The following DNAJC5 variants were observed in gnomAD, a reference collection of about 807,000 sequenced individuals.
DNAJC5 encodes the protein DnaJ heat shock protein family (Hsp40) member C5, also known as dnaJ homolog subfamily C member 5.
Under a neutral mutation model 23.2 loss-of-function variants are expected in DNAJC5, and 1 was observed. The observed-to-expected ratio is 0.04, with a 90% CI of 0.02 to 0.20. The LOEUF (loss-of-function observed/expected upper bound fraction) is 0.20, where lower values mean the gene tolerates loss of function less well. Ranked by LOEUF, DNAJC5 falls within the 10% of genes least tolerant of loss-of-function variation. DNAJC5 has a pLI of 1.00. For synonymous variants in DNAJC5, 136 were observed against 120.0 expected (o/e 1.13, Z -0.87); for missense variants, 180 against 267.0 (o/e 0.67, Z 2.27).
At chr20:63,927,540 C>G (rs1007776871) in intron 1 of DNAJC5, among the ~76,000 whole-genome samples, 19 of 149,122 alleles carry the variant, frequency 1.3e-4, no homozygotes, top group African/African-American at 4.2e-4. Flanking sequence ...AACTGTCCCC[C>G]CCCCCAAAAA....
chr20:63,914,481 A>AT (rs2053503228), intron 1 of DNAJC5, among the ~76,000 whole-genome samples: 1 of 151,428 alleles, frequency 6.6e-6, no homozygotes. Flanking sequence ...TACCTGGCTA[A>AT]TTTTTTTTGG....
chr20:63,921,895 C>T (rs796900333), intron 1 of DNAJC5, among the ~76,000 whole-genome samples: 2 of 152,028 alleles, frequency 1.3e-5, no homozygotes, highest in African/African-American at 2.4e-5. Flanking sequence ...CCTCCTGCCT[C>T]AGCCTCCCAA....
At chr20:63,912,701 G>A (rs920685173) in intron 1 of DNAJC5, among the ~76,000 whole-genome samples, 3 of 152,134 alleles carry the variant, frequency 2.0e-5, no homozygotes, top group African/African-American at 2.4e-5. Flanking sequence ...TCCAACTCCC[G>A]GGTTCAAGCG....
At chr20:63,921,238 C>T (rs569457664) in intron 1 of DNAJC5, among the ~76,000 whole-genome samples, 3 of 152,276 alleles carry the variant, frequency 2.0e-5, no homozygotes, top group South Asian at 4.1e-4. Flanking sequence ...GGATTACAAG[C>T]TTGAGCCACC....
chr20:63,917,616 C>T (rs1214310409), intron 1 of DNAJC5, among the ~76,000 whole-genome samples: 4 of 151,132 alleles, frequency 2.6e-5, no homozygotes, highest in Admixed American at 1.3e-4. Flanking sequence ...AGTGCAGTGG[C>T]GCGATCTCGG....
At chr20:63,908,214 C>A (rs531381122) in intron 1 of DNAJC5, among the ~76,000 whole-genome samples, 4 of 152,334 alleles carry the variant, frequency 2.6e-5, no homozygotes, top group African/African-American at 9.6e-5. Flanking sequence ...TCACCAGGGA[C>A]AGCCCCACGC....
chr20:63,925,239 A>G (rs2146299168), intron 1 of DNAJC5, among the ~76,000 whole-genome samples: 1 of 152,318 alleles, frequency 6.6e-6, no homozygotes, highest in African/African-American at 2.4e-5. Context: ...TAATCCCAGC[A>G]CTTTAGGAGG....
intron 1 of DNAJC5, among the ~76,000 whole-genome samples, chr20:63,909,791 C>A (rs534808613): frequency 9.2e-5 from 14 of 152,366 alleles, no homozygotes; most frequent in African/African-American, 3.4e-4. Context: ...CCAGACTCAT[C>A]TGGCTGGGGA....
At position 63,918,355 on chromosome 20, in the gene DNAJC5, A is replaced by G. The variant is rs188395869; in HGVS notation, c.-11-9980A>G. 6.2e-4 allele frequency among the ~76,000 whole-genome samples: 94 copies of G among 151,594 alleles called. 1 individual carries two copies. The highest frequency in any genetic ancestry group is 2.2e-3 in the African/African-American group (90 of 41,302). ...ACATAGCAAGACCCTGTCTCAAAGG[A>G]AAAAAAAAGCAGATTACAGAAAAGT... On this transcript the variant is annotated intron_variant, in intron 1 of 4. Coordinates refer to ENST00000360864, the MANE Select transcript of DNAJC5 (RefSeq NM_025219.3).
Position 63,929,958 on chromosome 20 carries a change from G to C in DNAJC5, c.321+433G>C, listed in dbSNP as rs1291340972. ...AGCGTACAGATTGTCCCAGGGAAGA[G>C]CCGTGCGGAGCCGCCAGGGTTTCTT... is the stretch of plus-strand genomic sequence containing the variant. On this transcript the variant is annotated intron_variant, in intron 3 of 4. Coordinates refer to ENST00000360864, the MANE Select transcript of DNAJC5 (RefSeq NM_025219.3). This position sits in a 1 kb window ranked among gnomAD's most constrained non-coding sequence, Gnocchi z 8.6. Among the ~76,000 whole-genome samples, 1 of 152,242 alleles carries C rather than the reference G, an allele frequency of 6.6e-6. No individual in the cohort carries two copies. Among genetic ancestry groups the C allele is most frequent in the African/African-American group, 2.4e-5 (1 of 41,466 alleles).
chr20:63,909,694 G>T (rs548411538), intron 1 of DNAJC5, among the ~76,000 whole-genome samples: 5 of 152,302 alleles, frequency 3.3e-5, no homozygotes, highest in South Asian at 2.1e-4. Flanking sequence ...GAAAGAAAAA[G>T]AAAGAAAAAA....
rs564304524 is a variant in DNAJC5 at position 63,931,360 on chromosome 20, C to T, written c.494-105C>T. On this transcript the variant is annotated intron_variant, in intron 4 of 4. Transcript: ENST00000360864. This position sits in a 1 kb window ranked among gnomAD's most constrained non-coding sequence, Gnocchi z 9.6. ...GTGGAGGTCAGCGAGTAGCCTCTCC[C>T]GGTGGAGAGTTTGTCCAGGTGCCCG... 1.4e-5 allele frequency: 15 copies of T among 1,100,436 alleles called. No homozygotes were observed. The highest frequency in any genetic ancestry group is 2.6e-5 in the East Asian group (1 of 38,790). The allele number at this position is 1,100,436 out of a possible 1,614,324, so 68.2% of individuals were successfully genotyped here. A position where few individuals can be genotyped will look rare whatever the true frequency, so the allele number is the denominator to read the frequency against.
At chr20:63,918,746 C>T (rs993274639) in intron 1 of DNAJC5, among the ~76,000 whole-genome samples, 1 of 152,192 alleles carries the variant, frequency 6.6e-6, no homozygotes, top group Non-Finnish European at 1.5e-5. Context: ...AGGCGCCCAC[C>T]ACCATGCCTG....
intron 1 of DNAJC5, among the ~76,000 whole-genome samples, chr20:63,910,904 C>T (rs943345301): frequency 6.6e-6 from 1 of 152,118 alleles, no homozygotes; most frequent in Non-Finnish European, 1.5e-5. Flanking sequence ...CTCCTGACCT[C>T]ATGATCCGCC....
chr20:63,906,820 T>G (rs2053451555), intron 1 of DNAJC5, among the ~76,000 whole-genome samples: 2 of 151,656 alleles, frequency 1.3e-5, no homozygotes, highest in South Asian at 4.2e-4. Flanking sequence ...AATATGACAG[T>G]GGCCTGGGTG....
intron 1 of DNAJC5, among the ~76,000 whole-genome samples, chr20:63,902,542 A>G (rs982811193): frequency 4.4e-4 from 64 of 144,174 alleles, no homozygotes; most frequent in Non-Finnish European, 7.2e-4. Context: ...CTAATTTTGT[A>G]TTTTTAGTAG....
chr20:63,914,382 T>C (rs1208735797), intron 1 of DNAJC5, among the ~76,000 whole-genome samples: 1 of 152,070 alleles, frequency 6.6e-6, no homozygotes, highest in African/African-American at 2.4e-5. Context: ...TGGCGCGATC[T>C]CCGCTCACTG....
chr20:63,912,426 G>A (rs1568979193), intron 1 of DNAJC5, among the ~76,000 whole-genome samples: 1 of 151,730 alleles, frequency 6.6e-6, no homozygotes, highest in Non-Finnish European at 1.5e-5. Context: ...AGAGTTAATT[G>A]GGTTTTTTTT....
At chr20:63,896,843 G>T (rs1480555566) in intron 1 of DNAJC5, among the ~76,000 whole-genome samples, 1 of 152,186 alleles carries the variant, frequency 6.6e-6, no homozygotes, top group Non-Finnish European at 1.5e-5. Flanking sequence ...TTTGTTCAGT[G>T]AATGAACGTG....
Sources: allele counts gnomAD v4.1 joint callset (sites outside exome capture counted in the v4.1 genomes callset), GRCh38; gene constraint gnomAD v4.1.1; non-coding constraint Gnocchi (gnomAD v3.1); transcripts MANE v1.5; gene names NCBI Gene and HGNC (gene_info 2026-07-23, HGNC 2026-07-21).